The following PCDHA7 variants were observed in gnomAD, a reference collection of about 807,000 sequenced individuals.
PCDHA7 encodes the protein protocadherin alpha-7.
In PCDHA7, 37 loss-of-function variants were observed where a neutral mutation model predicts 57.2. That is an observed-to-expected ratio of 0.65 (90% confidence interval 0.50 to 0.85). PCDHA7 has a LOEUF of 0.85. Ranked by LOEUF, PCDHA7 falls within the 40% of genes least tolerant of loss-of-function variation. The probability of loss-of-function intolerance (pLI) is 0.00; values close to 1 mark genes in which losing one functional copy is unlikely to be tolerated. For missense variants in PCDHA7, 1,188 were observed against 1,241.8 expected (o/e 0.96, Z 0.65); for synonymous variants, 553 against 558.8 (o/e 0.99, Z 0.15).
chr5:140,884,573 C>T, intron 1 of PCDHA7: 1 of 1,614,170 alleles, frequency 6.2e-7, no homozygotes, highest in Non-Finnish European at 8.5e-7. Flanking sequence ...TAAGACGGAC[C>T]TCATGGCCTT....
At chr5:140,900,695 C>T (rs889860103) in intron 1 of PCDHA7, among the ~76,000 whole-genome samples, 4 of 152,170 alleles carry the variant, frequency 2.6e-5, no homozygotes, top group Non-Finnish European at 5.9e-5. Context: ...TACTGATTTC[C>T]GTTCTTTTGG....
intron 1 of PCDHA7, among the ~76,000 whole-genome samples, chr5:140,838,140 G>A (rs1775567659): frequency 6.9e-6 from 1 of 145,908 alleles, no homozygotes; most frequent in Admixed American, 6.9e-5. Context: ...GTTTGACAGA[G>A]TTTTACTCTG....
chr5:140,973,105 G>C (rs1166565820), intron 1 of PCDHA7, among the ~76,000 whole-genome samples: 1 of 152,180 alleles, frequency 6.6e-6, no homozygotes, highest in Non-Finnish European at 1.5e-5. Flanking sequence ...AATTATGAAA[G>C]AGTAGCAGAG....
chr5:140,849,741 G>A, intron 1 of PCDHA7: 2 of 1,598,488 alleles, frequency 1.3e-6, no homozygotes, highest in Non-Finnish European at 8.6e-7. Context: ...TCTGGACCGC[G>A]AGAGTGTGTC....
intron 1 of PCDHA7, chr5:140,866,746 G>A (rs1264233885): frequency 6.6e-6 from 1 of 152,118 alleles, no homozygotes; most frequent in Admixed American, 6.5e-5. Flanking sequence ...ATACTTATAT[G>A]ACTAACAGGA....
intron 1 of PCDHA7, chr5:140,875,972 T>G: frequency 6.2e-7 from 1 of 1,614,068 alleles, no homozygotes; most frequent in Non-Finnish European, 8.5e-7. Context: ...GTAAACTCTC[T>G]TTTGACCTAT....
chr5:140,909,171 T>C (rs2074353484), intron 1 of PCDHA7, among the ~76,000 whole-genome samples: 1 of 152,208 alleles, frequency 6.6e-6, no homozygotes, highest in Non-Finnish European at 1.5e-5. Flanking sequence ...ATCAATCAAG[T>C]TCTCTCCAAA....
intron 1 of PCDHA7, among the ~76,000 whole-genome samples, chr5:140,923,505 G>C (rs1281972725): frequency 6.6e-6 from 1 of 152,118 alleles, no homozygotes; most frequent in East Asian, 1.9e-4. Context: ...CTCCAGCCTG[G>C]ATGATGAAGT....
intron 1 of PCDHA7, chr5:140,859,371 T>A: frequency 3.8e-6 from 1 of 264,536 alleles, no homozygotes; most frequent in Non-Finnish European, 6.9e-6. Flanking sequence ...TTGTATAGTT[T>A]AATAGCTTCT....
intron 1 of PCDHA7, chr5:140,851,418 C>G: frequency 1.0e-6 from 1 of 958,736 alleles, no homozygotes; most frequent in South Asian, 4.8e-5. Flanking sequence ...AGAAACTTCC[C>G]CTAAACTTTA....
At chr5:140,928,856 T>G (rs540865490) in intron 1 of PCDHA7, 1 of 1,614,218 alleles carries the variant, frequency 6.2e-7, no homozygotes, top group African/African-American at 1.3e-5. Context: ...CTGGGTGTGC[T>G]GTTGAGCAAC....
At chr5:140,852,883 G>A (rs1190514830) in intron 1 of PCDHA7, 22 of 933,050 alleles carry the variant, frequency 2.4e-5, no homozygotes, top group African/African-American at 1.6e-4. Flanking sequence ...ATCATAAAAC[G>A]TATTTTTTTT....
chr5:140,849,032 C>T (rs2040752468), intron 1 of PCDHA7: 1 of 1,579,200 alleles, frequency 6.3e-7, no homozygotes, highest in Non-Finnish European at 8.6e-7. Flanking sequence ...AGTATTTCTT[C>T]CTGGACGTGC....
Position 140,928,044 on chromosome 5 carries a change from T to C in PCDHA7, c.2356-50905T>C, listed in dbSNP as rs782342331. The C allele has an allele frequency of 4.6e-5, 75 of 1,614,078 alleles. 1 individual carries two copies. The highest frequency in any genetic ancestry group is 3.0e-4 in the Admixed American group (18 of 60,006). On this transcript the variant is annotated intron_variant, in intron 1 of 3. Transcript: ENST00000525929. The stretch of plus-strand genomic sequence containing the variant: ...TTTGTGGCATGTCTAGTGCAGGCCC[T>C]TTTCAGCTGACGGCTTCCTTTGACA...
intron 1 of PCDHA7, chr5:140,856,675 G>T (rs782417357): frequency 6.3e-7 from 1 of 1,597,790 alleles, no homozygotes; most frequent in South Asian, 1.1e-5. Context: ...AGCTAAAGTT[G>T]TTGTTGACAG....
intron 1 of PCDHA7, among the ~76,000 whole-genome samples, chr5:140,911,327 C>T (rs2153517846): frequency 6.6e-6 from 1 of 152,324 alleles, no homozygotes; most frequent in South Asian, 2.1e-4. Context: ...GGATCCCATT[C>T]TTTTCCAATC....
chr5:140,836,066 C>A lies in PCDHA7; in HGVS notation c.1683C>A (p.Asn561Lys), dbSNP rs2150251751. The A allele has an allele frequency of 2.5e-6, 4 of 1,613,652 alleles. No homozygotes were observed. The highest frequency in any genetic ancestry group is 3.3e-5 in the Admixed American group (2 of 60,004). ...LQVFVLDEND[N>K]APALLAPRVG... ...TGTTCGTGCTGGACGAGAACGACAA[C>A]GCGCCGGCACTGCTGGCGCCTCGGG... Residue 561 changes from asparagine to lysine, a missense_variant, in exon 1 of 4, where the codon AAC becomes AAA. Physicochemically the swap from Asn to Lys is moderately conservative, Grantham distance 94 (BLOSUM62 0). Around this residue, in one of 3 missense-constraint regions of PCDHA7, gnomAD observed 892 missense variants for 788.5 expected, o/e 1.13. Coordinates refer to ENST00000525929, the MANE Select transcript of PCDHA7 (RefSeq NM_018910.3).
At chr5:140,850,471 T>C (rs2150485589) in intron 1 of PCDHA7, 1 of 1,597,870 alleles carries the variant, frequency 6.3e-7, no homozygotes, top group Non-Finnish European at 8.6e-7. Context: ...GAGCCAGCGC[T>C]GACGGCCACG....
Position 140,842,808 on chromosome 5 carries a change from A to G in PCDHA7, c.2355+6070A>G. 1.3e-6 allele frequency: 2 copies of G among 1,594,086 alleles called. No individual in the cohort carries two copies. Among genetic ancestry groups the G allele is most frequent in the Non-Finnish European group, 1.7e-6 (2 of 1,165,358 alleles). ...GCGCTGGTGTCCTACTCGCTTGTGG[A>G]GCGGCGGGTGGGCGAGCGCTCGCTG... On this transcript the variant is annotated intron_variant, in intron 1 of 3. Coordinates refer to ENST00000525929, the MANE Select transcript of PCDHA7 (RefSeq NM_018910.3).
Sources: allele counts gnomAD v4.1 joint callset (sites outside exome capture counted in the v4.1 genomes callset), GRCh38; gene constraint gnomAD v4.1.1; regional missense constraint gnomAD v4.1.1; transcripts MANE v1.5; gene names NCBI Gene and HGNC (gene_info 2026-07-23, HGNC 2026-07-21).